NUMB: variants seen among roughly 807,000 people sequenced by gnomAD.
NUMB encodes the protein NUMB endocytic adaptor protein, also known as protein numb homolog.
NUMB carries 29 observed loss-of-function variants against 59.7 expected under a neutral mutation model. That is an observed-to-expected ratio of 0.49 (90% CI 0.36 to 0.66). NUMB has a LOEUF of 0.66. Among genes scored for constraint, NUMB ranks in the 30% least tolerant of loss-of-function variants. The pLI is 0.00. For missense variants in NUMB, 723 were observed against 822.0 expected, an observed-to-expected ratio of 0.88 and a Z score of 1.47; for synonymous variants, 288 against 288.2, an observed-to-expected ratio of 1.00 and a Z score of 0.01.
At chr14:73,301,505 A>C (rs1890127728) in intron 6 of NUMB, among the ~76,000 whole-genome samples, 1 of 152,146 alleles carries the variant, frequency 6.6e-6, no homozygotes. Flanking sequence ...GTGGCACAGG[A>C]CAGCTCACTG....
chr14:73,423,502 C>T (rs12884410), intron 1 of NUMB, among the ~76,000 whole-genome samples: 36,006 of 152,020 alleles, frequency 0.24, 4,314 homozygotes, highest in Non-Finnish European at 0.25. Context: ...ATCAGCTGGG[C>T]GTGGTGGCTG....
At chr14:73,405,039 G>C (rs1468943384) in intron 2 of NUMB, among the ~76,000 whole-genome samples, 2 of 152,094 alleles carry the variant, frequency 1.3e-5, no homozygotes, top group Non-Finnish European at 2.9e-5. Flanking sequence ...GATTACAGGC[G>C]TGAGAAAATT....
intron 4 of NUMB, among the ~76,000 whole-genome samples, chr14:73,337,709 A>G (rs1892410657): frequency 6.6e-6 from 1 of 152,224 alleles, no homozygotes; most frequent in Non-Finnish European, 1.5e-5. Context: ...TGTAATATTC[A>G]TAGACTATAT....
chr14:73,413,338 G>A (rs1306193613), intron 1 of NUMB, among the ~76,000 whole-genome samples: 1 of 151,504 alleles, frequency 6.6e-6, no homozygotes, highest in African/African-American at 2.4e-5. Context: ...ACCCGCCTCG[G>A]CCTTCCAAAG....
At chr14:73,301,807 G>A (rs1460613104) in intron 6 of NUMB, among the ~76,000 whole-genome samples, 4 of 152,186 alleles carry the variant, frequency 2.6e-5, no homozygotes, top group Non-Finnish European at 4.4e-5. Context: ...GTGGCCGGGT[G>A]TGGTGGCTCA....
chr14:73,359,934 T>C (rs946878080), intron 3 of NUMB, among the ~76,000 whole-genome samples: 1 of 152,192 alleles, frequency 6.6e-6, no homozygotes, highest in African/African-American at 2.4e-5. Flanking sequence ...ATCTCAAAAC[T>C]ATCCACTGCA....
chr14:73,443,651 T>C (rs1566799985), intron 1 of NUMB, among the ~76,000 whole-genome samples: 1 of 151,170 alleles, frequency 6.6e-6, no homozygotes, highest in Non-Finnish European at 1.5e-5. Context: ...CGATTGATGA[T>C]TGATTCATTC....
intron 2 of NUMB, among the ~76,000 whole-genome samples, chr14:73,393,563 A>T (rs1240284305): frequency 6.6e-6 from 1 of 152,216 alleles, no homozygotes; most frequent in Non-Finnish European, 1.5e-5. Context: ...TCTAGCAAAA[A>T]GTCACTGAAG....
chr14:73,413,818 G>T (rs1242386506), intron 1 of NUMB, among the ~76,000 whole-genome samples: 1 of 151,900 alleles, frequency 6.6e-6, no homozygotes, highest in Non-Finnish European at 1.5e-5. Flanking sequence ...ACAAAACAAA[G>T]AGTTCTTTTA....
At chr14:73,299,423 G>C (rs904957320) in intron 6 of NUMB, 4 of 152,082 alleles carry the variant, frequency 2.6e-5, no homozygotes, top group Non-Finnish European at 5.9e-5. Context: ...GTTTCCTGGA[G>C]AAGAAACCCT....
intron 4 of NUMB, among the ~76,000 whole-genome samples, chr14:73,330,831 C>T (rs753336246): frequency 3.9e-5 from 6 of 152,138 alleles, no homozygotes; most frequent in Admixed American, 1.3e-4. Context: ...CAGGAATTGG[C>T]CATGCAATTA....
chr14:73,372,474 T>C (rs1381523918), intron 2 of NUMB, among the ~76,000 whole-genome samples: 1 of 148,244 alleles, frequency 6.7e-6, no homozygotes, highest in Non-Finnish European at 1.5e-5. Flanking sequence ...TTTATATTTA[T>C]ACAGATATTT....
intron 1 of NUMB, among the ~76,000 whole-genome samples, chr14:73,438,723 TTATC>T (rs1027254230): frequency 1.3e-5 from 2 of 150,160 alleles, no homozygotes; most frequent in East Asian, 1.9e-4. Context: ...GCCTCCAAAA[TTATC>T]TATATAGTAA....
At chr14:73,278,059 A>AAC (rs1258414753) in intron 12 of NUMB, among the ~76,000 whole-genome samples, 17 of 151,090 alleles carry the variant, frequency 1.1e-4, no homozygotes, top group Non-Finnish European at 1.9e-4. Flanking sequence ...AAAAAAAAAA[A>AAC]AAAAAAAAAC....
At chr14:73,320,280 T>C (rs1376220109) in intron 5 of NUMB, among the ~76,000 whole-genome samples, 1 of 152,264 alleles carries the variant, frequency 6.6e-6, no homozygotes, top group Non-Finnish European at 1.5e-5. Context: ...CTAGTTTTTG[T>C]CTGAAAAATT....
intron 1 of NUMB, among the ~76,000 whole-genome samples, chr14:73,442,468 T>C (rs752680781): frequency 6.6e-6 from 1 of 152,222 alleles, no homozygotes; most frequent in Non-Finnish European, 1.5e-5. Flanking sequence ...TGAATGTTCA[T>C]ATTGGCTCTA....
At position 73,349,954 on chromosome 14, in the gene NUMB, T is replaced by C. The variant is rs139524834; in HGVS notation, c.126+5672A>G. Among the ~76,000 whole-genome samples the C allele has an allele frequency of 0.013, 1,964 of 151,750 alleles. 97 individuals carry two copies. In the South Asian group the frequency reaches 0.16, roughly 12 times the overall value. On this transcript the variant is annotated intron_variant, in intron 4 of 12. Coordinates refer to ENST00000555238, the MANE Select transcript of NUMB (RefSeq NM_001005743.2). Reference sequence around the variant, plus strand: ...CCTGTAATCCCAGCTACTTGAGAGGTTGAGGCACAAGAATCACTTGAACCC... The same window carrying C: ...CCTGTAATCCCAGCTACTTGAGAGGCTGAGGCACAAGAATCACTTGAACCC...
intron 3 of NUMB, among the ~76,000 whole-genome samples, chr14:73,359,619 G>A (rs1894003295): frequency 6.6e-6 from 1 of 152,110 alleles, no homozygotes; most frequent in African/African-American, 2.4e-5. Context: ...TGTCAAGTGT[G>A]GGATGAGAAA....
chr14:73,410,043 C>T lies in NUMB; in HGVS notation c.-207G>A, dbSNP rs1329108975. 6.6e-6 allele frequency: 1 copy of T among 152,176 alleles called. No homozygotes were observed. The highest frequency in any genetic ancestry group is 6.5e-5 in the Admixed American group (1 of 15,270). 9.4% of individuals were successfully genotyped at this position (152,176 alleles called of 1,614,324 possible). A position where few individuals can be genotyped will look rare whatever the true frequency, so the allele number is the denominator to read the frequency against. ...CAGTGGCTGCACTGGCACTCTTCCC[C>T]GGAAGAAGTTGCTTAAGCCTCAAAT... is the stretch of plus-strand genomic sequence containing the variant. On this transcript the variant is annotated 5_prime_UTR_variant, in exon 2 of 13. Coordinates refer to ENST00000555238, the MANE Select transcript of NUMB (RefSeq NM_001005743.2).
Sources: allele counts gnomAD v4.1 joint callset (sites outside exome capture counted in the v4.1 genomes callset), GRCh38; gene constraint gnomAD v4.1.1; transcripts MANE v1.5; gene names NCBI Gene and HGNC (gene_info 2026-07-23, HGNC 2026-07-21).